MIEN1: variants seen among roughly 807,000 people sequenced by gnomAD.
The protein encoded by MIEN1 is HBV X-transactivated gene 4 protein.
Under a neutral mutation model 15.5 loss-of-function variants are expected in MIEN1, and 12 were observed. That is an observed-to-expected ratio of 0.78 (90% CI 0.50 to 1.26). MIEN1 has a LOEUF of 1.26. MIEN1 is among the 50% of genes most tolerant of loss of function. The pLI, the probability that MIEN1 is intolerant of heterozygous loss-of-function variation, is 0.00. For synonymous variants in MIEN1, 63 were observed against 62.8 expected, an observed-to-expected ratio of 1.00 and a Z score of -0.02; for missense variants, 160 against 151.7, an observed-to-expected ratio of 1.05 and a Z score of -0.29.
rs577393231 is a variant in MIEN1, at chr17:39,730,224, T to C, written c.157A>G (p.Ile53Val). Residue 53 changes from isoleucine (I) to valine (V), a missense_variant, in exon 2 of 4, where the codon ATC becomes GTC. Ile to Val is a conservative substitution (Grantham distance 29). Transcript: ENST00000394231. Reference protein sequence around the residue: ...ASAVKEQYPGIEIESRLGGTG... With the variant: ...ASAVKEQYPGVEIESRLGGTG... ...CCCCCGAGGCGCGACTCGATCTCGA[T>C]GCCCGGATACTGCTCCTTCACAGCA... 6 of 1,607,640 alleles carry C rather than the reference T, an allele frequency of 3.7e-6. No homozygotes were observed. The highest frequency in any genetic ancestry group is 2.7e-5 in the African/African-American group (2 of 74,900).
rs1355539173 is a variant in MIEN1 at position 39,729,611 on chromosome 17, G to A, written c.265-6C>T. 12 of 1,614,012 alleles carry A rather than the reference G, an allele frequency of 7.4e-6. No individual in the cohort carries two copies. The highest frequency in any genetic ancestry group is 1.0e-5 in the Non-Finnish European group (12 of 1,180,014). ...CTTCGGATGGCCTCAATGAGCTAGA[G>A]GAGTGGAATGACAGGATGATGCACT... On this transcript the variant is annotated splice_polypyrimidine_tract_variant and splice_region_variant and intron_variant, in intron 3 of 3. Coordinates refer to ENST00000394231, the MANE Select transcript of MIEN1 (RefSeq NM_032339.5).
chr17:39,728,545 T>G lies in MIEN1; in HGVS notation c.*977A>C, dbSNP rs1250593564. 4.3e-6 allele frequency: 1 copy of G among 234,364 alleles called. No homozygotes were observed. The highest frequency in any genetic ancestry group is 6.0e-5 in the East Asian group (1 of 16,748). 14.5% of individuals were successfully genotyped at this position (234,364 alleles called of 1,614,324 possible). On this transcript the variant is annotated 3_prime_UTR_variant, in exon 4 of 4. Coordinates refer to ENST00000394231, the MANE Select transcript of MIEN1 (RefSeq NM_032339.5). ...AGTTTTTACTTTTTTTGTTTTGTTT[T>G]TTTAAAGATGAAATAAAGACCCAGG...
rs1015953231 is a variant in MIEN1 at position 39,729,389 on chromosome 17, G to C, written c.*133C>G. 18 of 1,122,028 alleles carry C rather than the reference G, an allele frequency of 1.6e-5. No individual in the cohort carries two copies. The Admixed American group carries it at 2.8e-4, about 18-fold the overall frequency. 69.5% of individuals were successfully genotyped at this position (1,122,028 alleles called of 1,614,324 possible). A position where few individuals can be genotyped will look rare whatever the true frequency, so the allele number is the denominator to read the frequency against. On this transcript the variant is annotated 3_prime_UTR_variant, in exon 4 of 4. Transcript: ENST00000394231. ...TTCTATTCCTTCTTTGTACCCAAAG[G>C]GCAAAGTGGAGGCCAGGGTCTCTTT...
In MIEN1 at chr17:39,729,248, C is replaced by G; in HGVS notation, c.*274G>C. 1 of 517,526 alleles carries G rather than the reference C, an allele frequency of 1.9e-6. No individual in the cohort carries two copies. The highest frequency in any genetic ancestry group is 3.5e-6 in the Non-Finnish European group (1 of 288,952). The allele number at this position is 517,526 out of a possible 1,614,324, so 32.1% of individuals were successfully genotyped here. ...AATCTGTGGCATCAGACAGGTATTA[C>G]CGAGGCGAAGAGTGGACTGGGCTTT... On this transcript the variant is annotated 3_prime_UTR_variant, in exon 4 of 4. Coordinates refer to ENST00000394231, the MANE Select transcript of MIEN1 (RefSeq NM_032339.5).
At position 39,728,535 on chromosome 17, in the gene MIEN1, T is replaced by C. The variant is rs2059899616; in HGVS notation, c.*987A>G. 1 of 235,266 alleles carries C rather than the reference T, an allele frequency of 4.3e-6. No homozygotes were observed. Among genetic ancestry groups the C allele is most frequent in the African/African-American group, 2.2e-5 (1 of 45,406 alleles). 14.6% of individuals were successfully genotyped at this position (235,266 alleles called of 1,614,324 possible). Reference sequence around the variant, plus strand: ...TTTTCTGTTTAGTTTTTACTTTTTTTGTTTTGTTTTTTTAAAGATGAAATA... The same window carrying C: ...TTTTCTGTTTAGTTTTTACTTTTTTCGTTTTGTTTTTTTAAAGATGAAATA... On this transcript the variant is annotated 3_prime_UTR_variant, in exon 4 of 4. Transcript: ENST00000394231.
chr17:39,730,082 T>G (rs765030671), intron 2 of MIEN1, 112 bp downstream of exon 2: 1 of 1,028,172 alleles, frequency 9.7e-7, no homozygotes, highest in African/African-American at 1.6e-5. Flanking sequence ...CATTTTACCA[T>G]GTGCCAGGCA....
rs1404203450 is a variant in MIEN1, at chr17:39,729,739, A to G, written c.210T>C (p.Asn70=). ...GGTGAFEIEI[N]GQLVFSKLEN... ...CCAGCTTGGAGAACACCAGCTGTCC[A>G]TTTATCTCTATCTCAAAGGCACCTG... is the stretch of plus-strand genomic sequence containing the variant. The change falls in exon 3 of 4, where the codon AAT becomes AAC. Residue 70 remains asparagine (N), a synonymous_variant. Coordinates refer to ENST00000394231, the MANE Select transcript of MIEN1 (RefSeq NM_032339.5). 2.5e-5 allele frequency: 40 copies of G among 1,614,038 alleles called. No homozygotes were observed. Among genetic ancestry groups the G allele is most frequent in the Non-Finnish European group, 3.4e-5 (40 of 1,180,026 alleles).
Position 39,730,509 on chromosome 17 carries a change from G to C in MIEN1, c.-14C>G, listed in dbSNP as rs1043619895. ...CTCCCCGCTCATCGCGGCCGGCTCC[G>C]CTCGGGCCCCTGCTTCCGGGTGTGA... is the stretch of plus-strand genomic sequence containing the variant. On this transcript the variant is annotated 5_prime_UTR_variant, in exon 1 of 4. Transcript: ENST00000394231. 3 of 1,526,596 alleles carry C rather than the reference G, an allele frequency of 2.0e-6. No homozygotes were observed. Among genetic ancestry groups the C allele is most frequent in the Non-Finnish European group, 2.6e-6 (3 of 1,142,590 alleles). 94.6% of individuals were successfully genotyped at this position (1,526,596 alleles called of 1,614,324 possible).
chr17:39,730,000 G>C, intron 2 of MIEN1, 194 bp downstream of exon 2: 1 of 697,908 alleles, frequency 1.4e-6, no homozygotes, highest in Non-Finnish European at 2.4e-6. Context: ...CACGATTGCA[G>C]TCTAATAGGT....
chr17:39,729,392 A>G lies in MIEN1; in HGVS notation c.*130T>C. 8.6e-7 allele frequency: 1 copy of G among 1,163,470 alleles called. No homozygotes were observed. The highest frequency in any genetic ancestry group is 1.2e-6 in the Non-Finnish European group (1 of 808,374). 72.1% of individuals were successfully genotyped at this position (1,163,470 alleles called of 1,614,324 possible). A position where few individuals can be genotyped will look rare whatever the true frequency, so the allele number is the denominator to read the frequency against. ...TATTCCTTCTTTGTACCCAAAGGGC[A>G]AAGTGGAGGCCAGGGTCTCTTTGCT... is the stretch of plus-strand genomic sequence containing the variant. On this transcript the variant is annotated 3_prime_UTR_variant, in exon 4 of 4. Transcript: ENST00000394231.
At chr17:39,730,083 G>A (rs922202638) in intron 2 of MIEN1, 111 bp downstream of exon 2, 3 of 1,041,534 alleles carry the variant, frequency 2.9e-6, no homozygotes, top group Non-Finnish European at 2.8e-6. Context: ...ATTTTACCAT[G>A]TGCCAGGCAC....
rs376188493 is a variant in MIEN1 at position 39,730,330 on chromosome 17, G to T, written c.90-39C>A. 152 of 1,572,124 alleles carry T rather than the reference G, an allele frequency of 9.7e-5. No individual in the cohort carries two copies. In the African/African-American group the frequency reaches 2.0e-3, roughly 20 times the overall value. On this transcript the variant is annotated intron_variant, in intron 1 of 3. Coordinates refer to ENST00000394231, the MANE Select transcript of MIEN1 (RefSeq NM_032339.5). ...AGATGGGGCTGGGCTGGGGATTCGG[G>T]GGTGGGGCCTCCCGTGGACCCACCT...
chr17:39,729,149 G>A lies in MIEN1; in HGVS notation c.*373C>T, dbSNP rs879835574. Reference sequence around the variant, plus strand: ...ACTGGACGTATAAAAACACACACTAGTTAGCATTAGTGTTTGTAGCGCCAC... The same window carrying A: ...ACTGGACGTATAAAAACACACACTAATTAGCATTAGTGTTTGTAGCGCCAC... On this transcript the variant is annotated 3_prime_UTR_variant, in exon 4 of 4. Coordinates refer to ENST00000394231, the MANE Select transcript of MIEN1 (RefSeq NM_032339.5). 2 of 263,270 alleles carry A rather than the reference G, an allele frequency of 7.6e-6. No homozygotes were observed. Among genetic ancestry groups the A allele is most frequent in the South Asian group, 5.3e-5 (1 of 18,934 alleles). The allele number at this position is 263,270 out of a possible 1,614,324, so 16.3% of individuals were successfully genotyped here.
Position 39,729,291 on chromosome 17 carries a change from GGAAGGGGGTATGAGGTGGCTGGAGA to G in MIEN1, c.*206_*230del. The G allele has an allele frequency of 1.7e-6, 1 of 580,244 alleles. No individual in the cohort carries two copies. The highest frequency in any genetic ancestry group is 2.8e-5 in the East Asian group (1 of 35,116). 35.9% of individuals were successfully genotyped at this position (580,244 alleles called of 1,614,324 possible). A position where few individuals can be genotyped will look rare whatever the true frequency, so the allele number is the denominator to read the frequency against. The stretch of plus-strand genomic sequence containing the variant: ...TGGGCTTTCGTGGGCACTTACCCTG[GGAAGGGGGTATGAGGTGGCTGGAGA>G]AGTGTTCATGGAGAGTGTCTCTCTC... On this transcript the variant is annotated 3_prime_UTR_variant, in exon 4 of 4. Transcript: ENST00000394231.
rs528458131 is a variant in MIEN1, at chr17:39,729,866, G to C, written c.188-105C>G. ...TTCAAGTCCCCCATCAATCCCACTG[G>C]AGACCCATTTGTAGCTCCTTAAGCA... is the stretch of plus-strand genomic sequence containing the variant. On this transcript the variant is annotated intron_variant, in intron 2 of 3. Coordinates refer to ENST00000394231, the MANE Select transcript of MIEN1 (RefSeq NM_032339.5). 1.5e-3 allele frequency: 2,120 copies of C among 1,441,308 alleles called. 2 individuals are homozygous for C. Among genetic ancestry groups the C allele is most frequent in the South Asian group, 2.2e-3 (184 of 83,844 alleles). The allele number at this position is 1,441,308 out of a possible 1,614,324, so 89.3% of individuals were successfully genotyped here. A position where few individuals can be genotyped will look rare whatever the true frequency, so the allele number is the denominator to read the frequency against.
Position 39,729,779 on chromosome 17 carries a change from G to T in MIEN1, c.188-18C>A, listed in dbSNP as rs1262055312. On this transcript the variant is annotated intron_variant, in intron 2 of 3. Transcript: ENST00000394231. ...AAAGGCACCTGGTAAGAAATCAACA[G>T]ATAAATGGTACACTGAGAACATAGG... 1.2e-6 allele frequency: 2 copies of T among 1,614,054 alleles called. No individual in the cohort carries two copies. Among genetic ancestry groups the T allele is most frequent in the South Asian group, 2.2e-5 (2 of 91,084 alleles).
In MIEN1 at chr17:39,730,391, A is replaced by G. The variant is rs1337487401; in HGVS notation, c.89+16T>C. On this transcript the variant is annotated intron_variant, in intron 1 of 3. Transcript: ENST00000394231. ...CGCGGGACCAGGGTGCGGGTCCTCC[A>G]GCCGGGGCCGCTCACCAGTACTCCA... is the stretch of plus-strand genomic sequence containing the variant. The G allele has an allele frequency of 1.9e-6, 3 of 1,552,964 alleles. No homozygotes were observed. The highest frequency in any genetic ancestry group is 2.6e-6 in the Non-Finnish European group (3 of 1,149,404).
Position 39,730,409 on chromosome 17 carries a change from G to C in MIEN1, c.87C>G (p.Tyr29Ter). The C allele has an allele frequency of 1.3e-6, 2 of 1,554,220 alleles. No individual in the cohort carries two copies. The highest frequency in any genetic ancestry group is 1.7e-6 in the Non-Finnish European group (2 of 1,150,096). Residue 29 changes from tyrosine (Y) to a stop codon, truncating the protein, a stop_gained and splice_region_variant, in exon 1 of 4, where the codon TAC becomes TAG. Transcript: ENST00000394231. LOFTEE classifies it high-confidence loss of function. ...GTCCTCCAGCCGGGGCCGCTCACCA[G>C]TACTCCACCACGATGCGGACCCCAC... is the stretch of plus-strand genomic sequence containing the variant. ...PGSGVRIVVEYCEPCGFEATY... is the reference protein window; with the variant it reads ...PGSGVRIVVE
intron 2 of MIEN1, 124 bp downstream of exon 2, chr17:39,730,070 G>T: frequency 1.0e-6 from 1 of 966,364 alleles, no homozygotes; most frequent in South Asian, 1.5e-5. Context: ...ATGTTGGCCG[G>T]ACATTTTACC....
Sources: allele counts gnomAD v4.1 joint callset, GRCh38; gene constraint gnomAD v4.1.1; transcripts MANE v1.5; gene names NCBI Gene and HGNC (gene_info 2026-07-23, HGNC 2026-07-21).